NAP1L4: variants seen among roughly 807,000 people sequenced by gnomAD.
The protein encoded by NAP1L4 is nucleosome assembly protein 1 like 4, also known as nucleosome assembly protein 1-like 4.
Under a neutral mutation model 58.2 loss-of-function variants are expected in NAP1L4, and 15 were observed. The ratio of observed to expected loss-of-function variants is 0.26; its 90% CI spans 0.17 to 0.40. The LOEUF (loss-of-function observed/expected upper bound fraction) is 0.40, where lower values mean the gene tolerates loss of function less well. Among genes scored for constraint, NAP1L4 ranks in the 10% least tolerant of loss-of-function variants. NAP1L4 has a pLI of 1.00. For synonymous variants in NAP1L4, 171 were observed against 155.6 expected, an observed-to-expected ratio of 1.10 and a Z score of -0.74; for missense variants, 384 against 451.1, an observed-to-expected ratio of 0.85 and a Z score of 1.35.
chr11:2,947,085 T>A (rs1446979028), intron 15 of NAP1L4, among the ~76,000 whole-genome samples: 2 of 152,194 alleles, frequency 1.3e-5, no homozygotes, highest in African/African-American at 4.8e-5. Context: ...TACTATGTCA[T>A]GTCATACACA....
At position 2,964,770 on chromosome 11, in the gene NAP1L4, A is replaced by G; in HGVS notation, c.535-19T>C. ...CATATTCCTAATCAAAAAGAGAAAA[A>G]AAATTCCAACAGGCTTTTAAAAAAA... On this transcript the variant is annotated intron_variant, in intron 7 of 15. Coordinates refer to ENST00000380542, the MANE Select transcript of NAP1L4 (RefSeq NM_005969.4). The G allele has an allele frequency of 4.4e-6, 7 of 1,592,462 alleles. No homozygotes were observed. The highest frequency in any genetic ancestry group is 6.0e-6 in the Non-Finnish European group (7 of 1,161,510).
rs775990930 is a variant in NAP1L4 at position 2,954,547 on chromosome 11, C to T, written c.1015G>A (p.Ala339Thr). The T allele has an allele frequency of 6.2e-6, 10 of 1,614,056 alleles. No homozygotes were observed. The Admixed American group carries it at 1.5e-4, about 24-fold the overall frequency. The change falls in exon 12 of 16, where the codon GCC becomes ACC. Residue 339 changes from alanine (A) to threonine (T), a missense_variant. Physicochemically the swap from Ala to Thr is moderately conservative, Grantham distance 58 (BLOSUM62 0). Around this residue, in one of 3 missense-constraint regions of NAP1L4, gnomAD observed 296 missense variants for 360.8 expected, o/e 0.82. Coordinates refer to ENST00000380542, the MANE Select transcript of NAP1L4 (RefSeq NM_005969.4). The surrounding 1 kb of genome is among the most constrained non-coding windows in gnomAD (Gnocchi z 4.8). The stretch of plus-strand genomic sequence containing the variant: ...CATACATTGTCATCATCTTCTATGG[C>T]CTCCCCAGTGAAGTACAGCACAGCC... ...PRAVLYFTGE[A>T]IEDDDNFEEG...
At chr11:2,991,376 ACCTCTTCC>A (rs1266315476) in intron 1 of NAP1L4, 2 of 252,344 alleles carry the variant, frequency 7.9e-6, no homozygotes, top group Admixed American at 4.6e-5. Flanking sequence ...TACAAATGTG[ACCTCTTCC>A]ACCATCTCTG....
chr11:2,965,640 C>T (rs546123151), intron 7 of NAP1L4, among the ~76,000 whole-genome samples: 2 of 152,206 alleles, frequency 1.3e-5, no homozygotes, highest in Admixed American at 6.5e-5. Flanking sequence ...CTCCGCCTCC[C>T]GGATTCAGCC....
At chr11:2,945,909 G>A (rs955216483) in intron 15 of NAP1L4, among the ~76,000 whole-genome samples, 1 of 152,158 alleles carries the variant, frequency 6.6e-6, no homozygotes. Context: ...GGGTTTTGGG[G>A]CTCCTTGGGG....
At chr11:2,950,548 G>A (rs115786249) in intron 14 of NAP1L4, among the ~76,000 whole-genome samples, 67 of 152,292 alleles carry the variant, frequency 4.4e-4, no homozygotes, top group African/African-American at 1.4e-3. Flanking sequence ...AATTTTAAGA[G>A]GCAAGTGAAC....
At chr11:2,990,961 A>G in intron 1 of NAP1L4, 1 of 368,092 alleles carries the variant, frequency 2.7e-6, no homozygotes, top group Non-Finnish European at 5.5e-6. Flanking sequence ...AAGGTAAGAG[A>G]ATTTTTAAAA....
intron 10 of NAP1L4, 28 bp downstream of exon 10, chr11:2,958,371 A>G (rs751918664): frequency 2.2e-5 from 36 of 1,611,440 alleles, no homozygotes; most frequent in Non-Finnish European, 3.0e-5. Flanking sequence ...ATAAGAACAT[A>G]ATGAATATTA....
At chr11:2,963,817 T>C (rs1377280372) in intron 8 of NAP1L4, 2 of 519,268 alleles carry the variant, frequency 3.9e-6, no homozygotes, top group Non-Finnish European at 7.7e-6. Flanking sequence ...CAGTCAGTCA[T>C]GTGTCGCTGG....
intron 10 of NAP1L4, among the ~76,000 whole-genome samples, chr11:2,956,904 T>A (rs1276326774): frequency 6.6e-6 from 1 of 152,218 alleles, no homozygotes; most frequent in Non-Finnish European, 1.5e-5. Context: ...ATCCTCAATT[T>A]TTTTCAAAGC....
chr11:2,970,727 T>G (rs1400987540), intron 6 of NAP1L4, among the ~76,000 whole-genome samples: 1 of 152,194 alleles, frequency 6.6e-6, no homozygotes, highest in Admixed American at 6.5e-5. Flanking sequence ...CAGATTTCCC[T>G]TGAGCTGTTA....
At chr11:2,974,713 T>C (rs1372945179) in intron 4 of NAP1L4, among the ~76,000 whole-genome samples, 1 of 152,088 alleles carries the variant, frequency 6.6e-6, no homozygotes, top group Non-Finnish European at 1.5e-5. Context: ...CTGGCCAACA[T>C]GGCAAATCCC....
rs1367814135 is a variant in NAP1L4, at chr11:2,972,116, G to A, written c.301C>T (p.Pro101Ser). ...GAGCTCCCTACCTTGTCAAAGAGAG[G>A]CTGGTATAGCGCTGCATACTTTCTT... ...LERKYAALYQPLFDKRREFIT... is the reference protein window; with the variant it reads ...LERKYAALYQSLFDKRREFIT... Residue 101 changes from proline to serine, a missense_variant, in exon 5 of 16, where the codon CCT (proline) becomes TCT (serine). By Grantham distance (74) the Pro-to-Ser change is moderately conservative. Coordinates refer to ENST00000380542, the MANE Select transcript of NAP1L4 (RefSeq NM_005969.4). The A allele has an allele frequency of 1.9e-6, 3 of 1,566,118 alleles. No homozygotes were observed. The African/African-American group carries it at 4.2e-5, about 22-fold the overall frequency.
At chr11:2,958,307 A>G in intron 10 of NAP1L4, 92 bp downstream of exon 10, 1 of 1,334,856 alleles carries the variant, frequency 7.5e-7, no homozygotes, top group African/African-American at 1.5e-5. Flanking sequence ...CTGAAAAAAG[A>G]GGACTAAAGT....
chr11:2,979,254 G>A lies in NAP1L4; in HGVS notation c.-17-17C>T, dbSNP rs11024846. 7.0e-4 allele frequency: 1,120 copies of A among 1,593,224 alleles called. 8 individuals are homozygous for A. In the African/African-American group the frequency reaches 0.014, roughly 20 times the overall value. The stretch of plus-strand genomic sequence containing the variant: ...TTTTATCCCCTATAAATTAAAAAGA[G>A]TTGTAATAATTATATTCATAAGCAA... On this transcript the variant is annotated splice_polypyrimidine_tract_variant and intron_variant, in intron 1 of 15. Transcript: ENST00000380542.
In NAP1L4 at chr11:2,949,922, T is replaced by C. The variant is rs1076154; in HGVS notation, c.1123-658A>G. ...GAGTCTGAGGAGGTGGCCCTGCCAA[T>C]TGACCCCAGTCCTTGCTTTACAACT... On this transcript the variant is annotated intron_variant, in intron 14 of 15. Coordinates refer to ENST00000380542, the MANE Select transcript of NAP1L4 (RefSeq NM_005969.4). The surrounding 1 kb of genome is among the most constrained non-coding windows in gnomAD (Gnocchi z 4.0). Among the ~76,000 whole-genome samples, 2,894 of 152,332 alleles carry C rather than the reference T, an allele frequency of 0.019. 85 individuals carry two copies. Among genetic ancestry groups the C allele is most frequent in the African/African-American group, 0.066 (2,732 of 41,564 alleles).
chr11:2,954,605 A>G lies in NAP1L4; in HGVS notation c.957T>C (p.Ile319=). ...SEFTLASDFE[I]GHFFRERIVP... ...CTATCCGCTCACGGAAAAAGTGTCCAATTTCAAAATCAGAGGCTAATGTGA... is the reference window on the plus strand; with the variant it reads ...CTATCCGCTCACGGAAAAAGTGTCCGATTTCAAAATCAGAGGCTAATGTGA... Residue 319 remains isoleucine (I), a synonymous_variant, in exon 12 of 16, where the codon ATT becomes ATC. Coordinates refer to ENST00000380542, the MANE Select transcript of NAP1L4 (RefSeq NM_005969.4). This position sits in a 1 kb window ranked among gnomAD's most constrained non-coding sequence, Gnocchi z 4.8. 1 of 1,614,218 alleles carries G rather than the reference A, an allele frequency of 6.2e-7. No individual in the cohort carries two copies. The highest frequency in any genetic ancestry group is 8.5e-7 in the Non-Finnish European group (1 of 1,180,046).
At chr11:2,964,821 G>A in intron 7 of NAP1L4, 70 bp from the exon 8 acceptor site, 2 of 1,120,244 alleles carry the variant, frequency 1.8e-6, no homozygotes, top group South Asian at 2.6e-5. Context: ...GAAGAGTCAT[G>A]GTTGCAGAGG....
rs772944709 is a variant in NAP1L4, at chr11:2,958,263, G to A, written c.892+136C>T. 1.0e-5 allele frequency: 9 copies of A among 875,396 alleles called. No homozygotes were observed. The South Asian group carries it at 1.3e-4, about 12-fold the overall frequency. The allele number at this position is 875,396 out of a possible 1,614,324, so 54.2% of individuals were successfully genotyped here. A position where few individuals can be genotyped will look rare whatever the true frequency, so the allele number is the denominator to read the frequency against. On this transcript the variant is annotated intron_variant, in intron 10 of 15. Coordinates refer to ENST00000380542, the MANE Select transcript of NAP1L4 (RefSeq NM_005969.4). ...CCAGCGCACCAACAGAACAGCCTGG[G>A]ACACAGCAATGTGCCCCTACTGACC... is the stretch of plus-strand genomic sequence containing the variant.
Sources: gnomAD v4.1 joint callset for allele counts (sites outside exome capture counted in the v4.1 genomes callset) on GRCh38, gnomAD v4.1.1 for gene constraint, gnomAD v4.1.1 regional missense constraint, Gnocchi (gnomAD v3.1) non-coding constraint, MANE v1.5 for transcripts, NCBI Gene and HGNC (gene_info 2026-07-23, HGNC 2026-07-21) for gene names.